The following TRERF1 variants were observed in gnomAD, a reference collection of about 807,000 sequenced individuals.
TRERF1 encodes transcriptional regulating factor 1.
A neutral mutation model predicts 122.9 loss-of-function variants in TRERF1; 27 were observed. The observed-to-expected ratio is 0.22, with a 90% CI of 0.16 to 0.30. The LOEUF is 0.30. TRERF1 is among the 10% of genes least tolerant of loss of function. TRERF1 has a pLI of 1.00. For missense variants in TRERF1, 1,248 were observed against 1,560.3 expected, an observed-to-expected ratio of 0.80 and a Z score of 3.37; for synonymous variants, 636 against 641.7, an observed-to-expected ratio of 0.99 and a Z score of 0.13.
chr6:42,240,182 C>T (rs1204627964), intron 15 of TRERF1, among the ~76,000 whole-genome samples: 1 of 152,188 alleles, frequency 6.6e-6, no homozygotes, highest in Non-Finnish European at 1.5e-5. Flanking sequence ...CCAGTGAATT[C>T]ACAGAAGGAA....
chr6:42,236,040 T>C (rs1772100145), intron 16 of TRERF1, among the ~76,000 whole-genome samples, 165 bp downstream of exon 16: 1 of 152,188 alleles, frequency 6.6e-6, no homozygotes, highest in Non-Finnish European at 1.5e-5. Context: ...ACTCTGTAAA[T>C]ACCTGTTGGC....
rs547287885 is a variant in TRERF1 at position 42,373,485 on chromosome 6, G to C, written c.-453-10406C>G. ...GATCGAGACCATCCTGGCAAACACAGTGAAACCCCGTCTCTATTAAAAATA... is the reference window on the plus strand; with the variant it reads ...GATCGAGACCATCCTGGCAAACACACTGAAACCCCGTCTCTATTAAAAATA... On this transcript the variant is annotated intron_variant, in intron 2 of 17. Coordinates refer to ENST00000372922, the Ensembl canonical transcript of TRERF1. Among the ~76,000 whole-genome samples, 12 of 152,264 alleles carry C rather than the reference G, an allele frequency of 7.9e-5. No individual in the cohort carries two copies. In the South Asian group the frequency reaches 1.2e-3, roughly 16 times the overall value.
At chr6:42,392,083 G>A (rs1332888602) in intron 2 of TRERF1, among the ~76,000 whole-genome samples, 1 of 152,128 alleles carries the variant, frequency 6.6e-6, no homozygotes, top group Non-Finnish European at 1.5e-5. Context: ...ACCTGACATT[G>A]TAGTAGATGT....
At position 42,365,520 on chromosome 6, in the gene TRERF1, A is replaced by G. The variant is rs564373247; in HGVS notation, c.-453-2441T>C. Among the ~76,000 whole-genome samples the G allele has an allele frequency of 2.2e-4, 34 of 152,314 alleles. No individual in the cohort carries two copies. The South Asian group carries it at 6.8e-3, about 31-fold the overall frequency. On this transcript the variant is annotated intron_variant, in intron 2 of 17. Transcript: ENST00000372922. Reference sequence around the variant, plus strand: ...GTCACAAAACCATGCCTCTTCCCGCATGAGAAGATTCATTATTCCTTGAGC... The same window carrying G: ...GTCACAAAACCATGCCTCTTCCCGCGTGAGAAGATTCATTATTCCTTGAGC...
In TRERF1 at chr6:42,263,373, A is replaced by G. The variant is rs776305869; in HGVS notation, c.1831T>C (p.Ser611Pro). 2.5e-6 allele frequency: 4 copies of G among 1,612,530 alleles called. No individual in the cohort carries two copies. The highest frequency in any genetic ancestry group is 3.4e-6 in the Non-Finnish European group (4 of 1,179,436). ...GAGCTGGCTGGCTTGTCTCTGGCGG[A>G]GGGGGCGGCAACGGTGCTGTTGGTG... The change falls in exon 8 of 18, where the codon TCC (serine) becomes CCC (proline). Residue 611 changes from serine (S) to proline (P), a missense_variant. Coordinates refer to ENST00000372922, the Ensembl canonical transcript of TRERF1. This position sits in a 1 kb window ranked among gnomAD's most constrained non-coding sequence, Gnocchi z 5.6.
At position 42,422,382 on chromosome 6, in the gene TRERF1, G is replaced by A. The variant is rs146397000; in HGVS notation, c.-454+28795C>T. Among the ~76,000 whole-genome samples, 16 of 151,784 alleles carry A rather than the reference G, an allele frequency of 1.1e-4. No homozygotes were observed. The East Asian group carries it at 2.1e-3, about 20-fold the overall frequency. ...AAAAAATACAAGTTAGCCAAGTATG[G>A]TGGCGTATGCCTGTAGTTCCAGCTA... On this transcript the variant is annotated intron_variant, in intron 2 of 17. Transcript: ENST00000372922.
chr6:42,413,936 A>C (rs1781476059), intron 2 of TRERF1, among the ~76,000 whole-genome samples: 1 of 152,236 alleles, frequency 6.6e-6, no homozygotes, highest in Non-Finnish European at 1.5e-5. Flanking sequence ...CCTTTGGGGA[A>C]GAAAATTTTT....
chr6:42,265,687 TGA>T (rs1779017118), intron 6 of TRERF1, 62 bp downstream of exon 6: 1 of 1,509,478 alleles, frequency 6.6e-7, no homozygotes, highest in Non-Finnish European at 9.1e-7. Context: ...AAATGAATCA[TGA>T]GAGACACCCC....
chr6:42,314,663 AAAT>A (rs1430862651), intron 3 of TRERF1, among the ~76,000 whole-genome samples: 7 of 152,350 alleles, frequency 4.6e-5, no homozygotes, highest in Non-Finnish European at 7.3e-5. Flanking sequence ...ACAAAGTAGG[AAAT>A]AGTCAGGGAA....
At chr6:42,290,625 C>T (rs1458745727) in intron 4 of TRERF1, among the ~76,000 whole-genome samples, 2 of 144,810 alleles carry the variant, frequency 1.4e-5, no homozygotes, top group African/African-American at 5.0e-5. Flanking sequence ...TCACCCAGAA[C>T]ATCATTTTTT....
chr6:42,298,120 A>G (rs1785398857), intron 4 of TRERF1, among the ~76,000 whole-genome samples: 1 of 152,044 alleles, frequency 6.6e-6, no homozygotes, highest in African/African-American at 2.4e-5. Flanking sequence ...AAATTAGTTA[A>G]ATAGAAGATA....
intron 3 of TRERF1, among the ~76,000 whole-genome samples, chr6:42,358,838 T>C (rs1771136749): frequency 6.6e-6 from 1 of 151,410 alleles, no homozygotes; most frequent in South Asian, 2.1e-4. Flanking sequence ...CAATCTTCAT[T>C]TGAGAACCAC....
intron 11 of TRERF1, 41 bp from the exon 12 acceptor site, chr6:42,256,872 G>C (rs772915427): frequency 2.5e-6 from 4 of 1,612,388 alleles, no homozygotes; most frequent in Non-Finnish European, 3.4e-6. Context: ...AGAGAGAGCT[G>C]AGTGTAATGG....
intron 3 of TRERF1, among the ~76,000 whole-genome samples, chr6:42,315,785 G>A (rs1254844872): frequency 6.7e-6 from 1 of 149,324 alleles, no homozygotes; most frequent in African/African-American, 2.5e-5. Flanking sequence ...AGTCTGAGCA[G>A]TGTGGAAGGC....
chr6:42,305,071 C>T (rs1010776175), intron 3 of TRERF1, among the ~76,000 whole-genome samples: 4 of 152,186 alleles, frequency 2.6e-5, no homozygotes, highest in African/African-American at 7.2e-5. Flanking sequence ...CAGACAGTGC[C>T]TCTAGTACTT....
Position 42,348,357 on chromosome 6 carries a change from G to A in TRERF1, c.-371+14640C>T, listed in dbSNP as rs188886741. Among the ~76,000 whole-genome samples the A allele has an allele frequency of 2.1e-3, 325 of 152,096 alleles. 1 individual carries two copies. The highest frequency in any genetic ancestry group is 7.2e-3 in the African/African-American group (300 of 41,504). On this transcript the variant is annotated intron_variant, in intron 3 of 17. Transcript: ENST00000372922. ...CAACCTTTGTCTCCTGGGTTCAAGC[G>A]ATTCTTCTGCCTCAGCCTCCCAAGT...
Position 42,238,835 on chromosome 6 carries a change from TCACACACACA to T in TRERF1, c.2860-2434_2860-2425del, listed in dbSNP as rs58223539. Among the ~76,000 whole-genome samples, 538 of 143,124 alleles carry T rather than the reference TCACACACACA, an allele frequency of 3.8e-3. 5 individuals carry two copies. The highest frequency in any genetic ancestry group is 5.7e-3 in the Non-Finnish European group (371 of 65,530). 93.9% of individuals were successfully genotyped at this position (143,124 alleles called of 152,430 possible). A position where few individuals can be genotyped will look rare whatever the true frequency, so the allele number is the denominator to read the frequency against. Reference sequence around the variant, plus strand: ...GAATGCCTGCTGAGAATCATGCATTTCACACACACACACACACACACACACACACACACAC... The same window carrying T: ...GAATGCCTGCTGAGAATCATGCATTTCACACACACACACACACACACACAC... On this transcript the variant is annotated intron_variant, in intron 15 of 17. Transcript: ENST00000372922.
chr6:42,237,030 C>A (rs926294652), intron 15 of TRERF1, among the ~76,000 whole-genome samples: 1 of 152,188 alleles, frequency 6.6e-6, no homozygotes, highest in African/African-American at 2.4e-5. Context: ...TTGTCATGTG[C>A]TTTTCCTTTT....
intron 3 of TRERF1, among the ~76,000 whole-genome samples, chr6:42,319,470 G>A (rs9462799): frequency 0.16 from 24,350 of 152,192 alleles, 3,890 homozygotes; most frequent in East Asian, 0.41. Context: ...TGAAATGTGG[G>A]AGATGATTAC....
Sources: allele counts gnomAD v4.1 joint callset (sites outside exome capture counted in the v4.1 genomes callset), GRCh38; gene constraint gnomAD v4.1.1; non-coding constraint Gnocchi (gnomAD v3.1); transcripts MANE v1.5; gene names NCBI Gene and HGNC (gene_info 2026-07-23, HGNC 2026-07-21).